Variants in ZNF33A observed in about 807,000 individuals in gnomAD.
ZNF33A encodes the protein zinc finger protein 33A.
Under a neutral mutation model 15.9 loss-of-function variants are expected in ZNF33A, and 9 were observed. The ratio of observed to expected loss-of-function variants is 0.57; its 90% confidence interval spans 0.34 to 0.99. The LOEUF is 0.99. Ranked by LOEUF, ZNF33A falls within the 50% of genes least tolerant of loss-of-function variation. The probability of loss-of-function intolerance (pLI) is 0.02; values close to 1 mark genes in which losing one functional copy is unlikely to be tolerated. For missense variants in ZNF33A, 843 were observed against 941.6 expected (o/e 0.90, Z 1.37); for synonymous variants, 294 against 324.2 (o/e 0.91, Z 1.00).
chr10:38,035,455 C>A (rs1564853037), intron 4 of ZNF33A, among the ~76,000 whole-genome samples: 1 of 152,072 alleles, frequency 6.6e-6, no homozygotes, highest in African/African-American at 2.4e-5. Context: ...TGTATACATA[C>A]ATGTATGGCA....
At chr10:38,015,485 A>T (rs542153078) in intron 2 of ZNF33A, among the ~76,000 whole-genome samples, 39 of 152,004 alleles carry the variant, frequency 2.6e-4, no homozygotes, top group African/African-American at 9.2e-4. Flanking sequence ...CGCCTGGCTA[A>T]TTTTTTGTAT....
chr10:38,013,354 TCTC>T (rs1056655482), intron 2 of ZNF33A, among the ~76,000 whole-genome samples: 63 of 151,042 alleles, frequency 4.2e-4, no homozygotes, highest in African/African-American at 1.4e-3. Flanking sequence ...CGTGATCTGC[TCTC>T]CTCAGCCTCC....
At chr10:38,034,549 G>A (rs2065355318) in intron 4 of ZNF33A, among the ~76,000 whole-genome samples, 1 of 152,160 alleles carries the variant, frequency 6.6e-6, no homozygotes, top group African/African-American at 2.4e-5. Context: ...CATGTTTTAT[G>A]ACTTTTGATG....
chr10:38,066,636 TA>T (rs1444970463), downstream of ZNF33A, among the ~76,000 whole-genome samples: 1 of 150,366 alleles, frequency 6.7e-6, no homozygotes, highest in East Asian at 2.0e-4. Context: ...AAAGCCCACA[TA>T]AAAACACTTA....
chr10:38,010,505 C>T, upstream of ZNF33A: 3 of 632,116 alleles, frequency 4.7e-6, no homozygotes, highest in East Asian at 2.8e-5. Context: ...GCAGGCAGTT[C>T]CAGCACCAAC....
downstream of ZNF33A, chr10:38,064,120 C>A (rs1311570018): frequency 6.3e-7 from 1 of 1,596,090 alleles, no homozygotes; most frequent in Non-Finnish European, 8.5e-7. Context: ...TGGATTAAAC[C>A]CCTGCAGTGC....
intron 4 of ZNF33A, among the ~76,000 whole-genome samples, chr10:38,034,160 A>G (rs2065338609): frequency 6.6e-6 from 1 of 152,216 alleles, no homozygotes; most frequent in African/African-American, 2.4e-5. Context: ...TCGTTAACAT[A>G]TTAAGATGGT....
chr10:38,025,310 T>C (rs777823984), intron 4 of ZNF33A, among the ~76,000 whole-genome samples: 2 of 152,218 alleles, frequency 1.3e-5, no homozygotes, highest in Non-Finnish European at 1.5e-5. Context: ...CAACATTGAT[T>C]ATGCTGTTAT....
At chr10:38,035,016 A>T (rs1195115465) in intron 4 of ZNF33A, among the ~76,000 whole-genome samples, 1 of 151,480 alleles carries the variant, frequency 6.6e-6, no homozygotes, top group Non-Finnish European at 1.5e-5. Flanking sequence ...TCACTACCAC[A>T]TGGATCATTC....
intron 4 of ZNF33A, among the ~76,000 whole-genome samples, chr10:38,051,337 C>T (rs2505233): frequency 0.24 from 35,981 of 151,952 alleles, 4,422 homozygotes; most frequent in Admixed American, 0.29. Flanking sequence ...TATTGTGCAA[C>T]AATGTATCAG....
chr10:38,062,775 GGGC>G, downstream of ZNF33A, among the ~76,000 whole-genome samples: 1 of 151,706 alleles, frequency 6.6e-6, no homozygotes, highest in Non-Finnish European at 1.5e-5. Context: ...AGGCCGAGGT[GGGC>G]GGATCACGAG....
At position 38,056,682 on chromosome 10, in the gene ZNF33A, T is replaced by C; in HGVS notation, c.*122T>C. On this transcript the variant is annotated 3_prime_UTR_variant, in exon 5 of 5. Coordinates refer to ENST00000432900, the MANE Select transcript of ZNF33A (RefSeq NM_006954.2). ...ATTCTATGTAATATCAGATGGTTAATACGGGCATAACACCTTACAGATTTT... is the reference window on the plus strand; with the variant it reads ...ATTCTATGTAATATCAGATGGTTAACACGGGCATAACACCTTACAGATTTT... 1.5e-6 allele frequency: 2 copies of C among 1,376,152 alleles called. No individual in the cohort carries two copies. The highest frequency in any genetic ancestry group is 1.9e-6 in the Non-Finnish European group (2 of 1,068,306). 85.2% of individuals were successfully genotyped at this position (1,376,152 alleles called of 1,614,324 possible).
rs11598377 is a variant in ZNF33A, at chr10:38,014,408, G to T, written c.9+2058G>T. Among the ~76,000 whole-genome samples, 1,381 of 152,222 alleles carry T rather than the reference G, an allele frequency of 9.1e-3. 9 individuals carry two copies. Among genetic ancestry groups the T allele is most frequent in the Middle Eastern group, 0.02 (6 of 294 alleles). Reference sequence around the variant, plus strand: ...GATTAGTTTATTACGTTTATTTGTTGCTGGTGTGTACTAGTCTAGATGACT... The same window carrying T: ...GATTAGTTTATTACGTTTATTTGTTTCTGGTGTGTACTAGTCTAGATGACT... On this transcript the variant is annotated intron_variant, in intron 2 of 4. Transcript: ENST00000432900.
At chr10:38,010,607 T>C (rs1274838593), upstream of ZNF33A, 4 of 1,144,072 alleles carry the variant, frequency 3.5e-6, no homozygotes, top group Admixed American at 6.7e-5. Flanking sequence ...AGTTTCCAGG[T>C]AGGGCGCCAA....
chr10:38,039,452 C>T (rs1168685302), intron 4 of ZNF33A: 1 of 454,476 alleles, frequency 2.2e-6, no homozygotes, highest in South Asian at 1.6e-5. Context: ...GTCTTAAACT[C>T]CTGAGTTCAA....
intron 4 of ZNF33A, among the ~76,000 whole-genome samples, chr10:38,051,432 C>T (rs1390562169): frequency 6.6e-6 from 1 of 152,076 alleles, no homozygotes; most frequent in Non-Finnish European, 1.5e-5. Context: ...AATCAACCTT[C>T]TCAAAATTAA....
rs772674295 is a variant in ZNF33A at position 38,055,900 on chromosome 10, T to G, written c.1776T>G (p.Asn592Lys). The G allele has an allele frequency of 2.5e-5, 41 of 1,613,680 alleles. No individual in the cohort carries two copies. The highest frequency in any genetic ancestry group is 3.5e-5 in the Non-Finnish European group (41 of 1,179,936). Reference protein sequence around the residue: ...ECHECGKIFYNKSYLTKHNRT... With the variant: ...ECHECGKIFYKKSYLTKHNRT... ...ATGAATGTGGAAAAATCTTTTACAATAAATCATACCTAACTAAACATAATA... is the reference window on the plus strand; with the variant it reads ...ATGAATGTGGAAAAATCTTTTACAAGAAATCATACCTAACTAAACATAATA... Residue 592 changes from asparagine (N) to lysine (K), a missense_variant, in exon 5 of 5, where the codon AAT becomes AAG. Transcript: ENST00000432900.
At chr10:38,060,776 G>A (rs2066646608), downstream of ZNF33A, among the ~76,000 whole-genome samples, 1 of 152,172 alleles carries the variant, frequency 6.6e-6, no homozygotes, top group Non-Finnish European at 1.5e-5. Flanking sequence ...TCCATATTAT[G>A]GCAAAGGCTT....
intron 4 of ZNF33A, among the ~76,000 whole-genome samples, chr10:38,036,539 T>C (rs1393211390): frequency 6.6e-6 from 1 of 151,802 alleles, no homozygotes; most frequent in Non-Finnish European, 1.5e-5. Context: ...TTTGATAAAA[T>C]CCAACACCCA....
Sources: allele counts gnomAD v4.1 joint callset (sites outside exome capture counted in the v4.1 genomes callset), GRCh38; gene constraint gnomAD v4.1.1; transcripts MANE v1.5; gene names NCBI Gene and HGNC (gene_info 2026-07-23, HGNC 2026-07-21).